Variants in NR3C2 observed in about 807,000 individuals in gnomAD.
NR3C2 encodes mineralocorticoid receptor.
A neutral mutation model predicts 86.4 loss-of-function variants in NR3C2; 15 were observed. The observed-to-expected ratio is 0.17, with a 90% CI of 0.12 to 0.27. The LOEUF (loss-of-function observed/expected upper bound fraction) is 0.27. Ranked by LOEUF, NR3C2 falls within the 10% of genes least tolerant of loss-of-function variation. The pLI is 1.00. For missense variants in NR3C2, 960 were observed against 1,195.6 expected (o/e 0.80, Z 2.91); for synonymous variants, 458 against 450.5 (o/e 1.02, Z -0.21).
intron 2 of NR3C2, among the ~76,000 whole-genome samples, chr4:148,429,310 G>A (rs72645610): frequency 0.017 from 2,574 of 152,144 alleles, 84 homozygotes; most frequent in African/African-American, 0.057. Flanking sequence ...GTGAATATTC[G>A]TTACATACCA....
intron 2 of NR3C2, among the ~76,000 whole-genome samples, chr4:148,419,156 G>A (rs1749152006): frequency 6.7e-6 from 1 of 150,176 alleles, no homozygotes; most frequent in Non-Finnish European, 1.5e-5. Context: ...CATGTTATGA[G>A]ATGTAAACAA....
At chr4:148,416,489 C>T (rs374259402) in intron 2 of NR3C2, among the ~76,000 whole-genome samples, 21 of 152,284 alleles carry the variant, frequency 1.4e-4, no homozygotes, top group African/African-American at 4.6e-4. Context: ...CCTAAGATCA[C>T]ACAGCTGATA....
At chr4:148,240,239 A>AT (rs1461131082) in intron 3 of NR3C2, among the ~76,000 whole-genome samples, 2 of 141,636 alleles carry the variant, frequency 1.4e-5, no homozygotes, top group Admixed American at 7.5e-5. Flanking sequence ...ATATTTATAA[A>AT]TTATATATAT....
chr4:148,113,220 T>C (rs1465218002), intron 8 of NR3C2, among the ~76,000 whole-genome samples: 3 of 152,114 alleles, frequency 2.0e-5, no homozygotes, highest in Non-Finnish European at 4.4e-5. Context: ...ACAAGAAAGG[T>C]GACTCCTATG....
In NR3C2 at chr4:148,174,609, C is replaced by A. The variant is rs190919271; in HGVS notation, c.2015-19708G>T. On this transcript the variant is annotated intron_variant, in intron 4 of 8. Coordinates refer to ENST00000358102, the MANE Select transcript of NR3C2 (RefSeq NM_000901.5). ...TAGGGGGCAAGGCATAACCCCAGTT[C>A]CCTTTGCTCTGCGTCTCCCCAGGGG... Among the ~76,000 whole-genome samples the A allele has an allele frequency of 5.3e-5, 8 of 152,328 alleles. No individual in the cohort carries two copies. The East Asian group carries it at 1.5e-3, about 29-fold the overall frequency.
intron 2 of NR3C2, among the ~76,000 whole-genome samples, chr4:148,290,807 C>T (rs1741761295): frequency 6.6e-6 from 1 of 152,144 alleles, no homozygotes; most frequent in Admixed American, 6.6e-5. Context: ...TCTGATATTA[C>T]TTCTCACACC....
intron 6 of NR3C2, among the ~76,000 whole-genome samples, chr4:148,124,130 C>T (rs1732638746): frequency 6.6e-6 from 1 of 152,106 alleles, no homozygotes; most frequent in African/African-American, 2.4e-5. Context: ...CCCAGCTACT[C>T]AGGAGGGTGA....
intron 4 of NR3C2, among the ~76,000 whole-genome samples, chr4:148,185,500 GT>G (rs1735848733): frequency 1.3e-5 from 2 of 152,124 alleles, no homozygotes; most frequent in Middle Eastern, 3.2e-3. Context: ...CATTTAATTA[GT>G]TTTTTGAACT....
chr4:148,341,310 T>A lies in NR3C2; in HGVS notation c.1758-81193A>T, dbSNP rs545967624. 1.0e-3 allele frequency among the ~76,000 whole-genome samples: 154 copies of A among 152,274 alleles called. 1 individual carries two copies. Among genetic ancestry groups the A allele is most frequent in the Non-Finnish European group, 6.9e-4 (47 of 68,002 alleles). ...TGAAATCCTGTGATTTGTAGCAATA[T>A]GGATGGAACTGGAGGGCATTATATT... is the stretch of plus-strand genomic sequence containing the variant. On this transcript the variant is annotated intron_variant, in intron 2 of 8. Coordinates refer to ENST00000358102, the MANE Select transcript of NR3C2 (RefSeq NM_000901.5).
chr4:148,212,987 T>C (rs1737354360), intron 3 of NR3C2, among the ~76,000 whole-genome samples: 1 of 151,990 alleles, frequency 6.6e-6, no homozygotes, highest in African/African-American at 2.4e-5. Context: ...TGTTAAGAGA[T>C]CACAGAGGAA....
At chr4:148,297,559 A>C (rs2149916776) in intron 2 of NR3C2, among the ~76,000 whole-genome samples, 1 of 152,364 alleles carries the variant, frequency 6.6e-6, no homozygotes, top group African/African-American at 2.4e-5. Context: ...CAGGAGTTCG[A>C]GACCAGCCTG....
chr4:148,361,828 T>TTTGTTGTTGTTC (rs10528442), intron 2 of NR3C2, among the ~76,000 whole-genome samples: 2,844 of 151,986 alleles, frequency 0.019, 77 homozygotes, highest in African/African-American at 0.064. Flanking sequence ...ACCCTAAAGT[T>TTTGTTGTTGTTC]TTGTTGTTAT....
At chr4:148,099,937 C>T (rs1323266841) in intron 8 of NR3C2, among the ~76,000 whole-genome samples, 1 of 152,124 alleles carries the variant, frequency 6.6e-6, no homozygotes, top group Middle Eastern at 3.2e-3. Flanking sequence ...GCACAAATCT[C>T]GCAGTCAGGT....
At chr4:148,216,422 GTA>G (rs1299675704) in intron 3 of NR3C2, among the ~76,000 whole-genome samples, 2 of 152,048 alleles carry the variant, frequency 1.3e-5, no homozygotes, top group African/African-American at 4.8e-5. Context: ...TCCATTTTAC[GTA>G]TGAGAACACT....
rs1578904513 is a variant in NR3C2, at chr4:148,120,415, T to C, written c.2511-127A>G. 6.2e-6 allele frequency: 7 copies of C among 1,120,988 alleles called. No individual in the cohort carries two copies. The East Asian group carries it at 1.2e-4, about 20-fold the overall frequency. 69.4% of individuals were successfully genotyped at this position (1,120,988 alleles called of 1,614,324 possible). On this transcript the variant is annotated intron_variant, in intron 6 of 8. Coordinates refer to ENST00000358102, the MANE Select transcript of NR3C2 (RefSeq NM_000901.5). ...CCTTTTGGCTTCAACATGGAGCAGA[T>C]GTGTATTTTAAAGACAAGTTAGATG...
intron 3 of NR3C2, among the ~76,000 whole-genome samples, chr4:148,202,731 A>C (rs1736788503): frequency 6.6e-6 from 1 of 152,170 alleles, no homozygotes; most frequent in Admixed American, 6.5e-5. Flanking sequence ...ATACGGACCC[A>C]TACAGAGTGA....
chr4:148,430,695 C>T (rs747284225), intron 2 of NR3C2, among the ~76,000 whole-genome samples: 4 of 152,048 alleles, frequency 2.6e-5, no homozygotes, highest in Non-Finnish European at 4.4e-5. Context: ...CTCAGACACA[C>T]ACCCTACCAT....
intron 4 of NR3C2, 32 bp downstream of exon 4, chr4:148,194,714 A>C: frequency 6.9e-7 from 1 of 1,456,116 alleles, no homozygotes; most frequent in South Asian, 1.1e-5. Context: ...ACCTATTAAC[A>C]ATTTTTATTA....
At position 148,274,895 on chromosome 4, in the gene NR3C2, A is replaced by G. The variant is rs142403817; in HGVS notation, c.1758-14778T>C. Among the ~76,000 whole-genome samples, 455 of 151,912 alleles carry G rather than the reference A, an allele frequency of 3.0e-3. 6 individuals are homozygous for G. Among genetic ancestry groups the G allele is most frequent in the African/African-American group, 9.9e-3 (412 of 41,436 alleles). On this transcript the variant is annotated intron_variant, in intron 2 of 8. Coordinates refer to ENST00000358102, the MANE Select transcript of NR3C2 (RefSeq NM_000901.5). ...GTATTTTTAGTAGAGATGGGGTTTT[A>G]CCATGTTAGCTAGGCTGGTCTCGAA...
Sources: allele counts gnomAD v4.1 joint callset (sites outside exome capture counted in the v4.1 genomes callset), GRCh38; gene constraint gnomAD v4.1.1; transcripts MANE v1.5; gene names NCBI Gene and HGNC (gene_info 2026-07-23, HGNC 2026-07-21).